Variants in CLIC4 observed in about 807,000 individuals in gnomAD.
CLIC4 encodes the protein chloride intracellular channel protein 4.
Under a neutral mutation model 24.6 loss-of-function variants are expected in CLIC4, and 13 were observed. The ratio of observed to expected loss-of-function variants is 0.53; its 90% confidence interval spans 0.34 to 0.84. The LOEUF is 0.84. Among genes scored for constraint, CLIC4 ranks in the 40% least tolerant of loss-of-function variants. The pLI is 0.01. For missense variants in CLIC4, 227 were observed against 301.7 expected, an observed-to-expected ratio of 0.75 and a Z score of 1.83; for synonymous variants, 104 against 111.3, an observed-to-expected ratio of 0.93 and a Z score of 0.41.
At chr1:24,802,843 C>G (rs1639506106) in intron 2 of CLIC4, among the ~76,000 whole-genome samples, 1 of 151,890 alleles carries the variant, frequency 6.6e-6, no homozygotes. Flanking sequence ...TCCCAAGTAG[C>G]TAGGACTACA....
intron 1 of CLIC4, among the ~76,000 whole-genome samples, chr1:24,795,363 CA>C (rs1639385774): frequency 6.6e-6 from 1 of 151,898 alleles, no homozygotes; most frequent in Non-Finnish European, 1.5e-5. Context: ...GGAATGTGTA[CA>C]ACAGGATATG....
intron 1 of CLIC4, among the ~76,000 whole-genome samples, chr1:24,787,457 G>A (rs900280844): frequency 3.3e-5 from 5 of 152,032 alleles, no homozygotes; most frequent in Non-Finnish European, 5.9e-5. Context: ...TTCATATACA[G>A]TATAATTCAC....
intron 3 of CLIC4, among the ~76,000 whole-genome samples, chr1:24,824,086 T>C (rs1639763296): frequency 6.6e-6 from 1 of 152,248 alleles, no homozygotes; most frequent in Non-Finnish European, 1.5e-5. Flanking sequence ...TCAAGCTATT[T>C]GCTAAAGCCA....
intron 4 of CLIC4, among the ~76,000 whole-genome samples, chr1:24,827,932 T>C (rs994854488): frequency 2.0e-4 from 31 of 152,182 alleles, no homozygotes; most frequent in African/African-American, 7.0e-4. Flanking sequence ...CACACATTAG[T>C]GTTTATTTGA....
intron 1 of CLIC4, among the ~76,000 whole-genome samples, chr1:24,763,276 A>T (rs1227295816): frequency 6.6e-6 from 1 of 151,942 alleles, no homozygotes; most frequent in Non-Finnish European, 1.5e-5. Context: ...ATGCTGGCTC[A>T]CTCCTGTAAT....
chr1:24,826,179 AAGT>A (rs1339209972), intron 3 of CLIC4, among the ~76,000 whole-genome samples: 3 of 152,228 alleles, frequency 2.0e-5, no homozygotes, highest in African/African-American at 7.2e-5. Flanking sequence ...TCTGTTCTAA[AAGT>A]AGAAAAATTT....
intron 4 of CLIC4, 103 bp from the exon 5 acceptor site, chr1:24,839,757 A>G (rs1052317628): frequency 1.8e-5 from 18 of 1,005,928 alleles, no homozygotes; most frequent in Non-Finnish European, 2.6e-5. Flanking sequence ...GTTTCAGAGT[A>G]AACATTTTTA....
At chr1:24,838,902 C>T (rs1639911924) in intron 4 of CLIC4, among the ~76,000 whole-genome samples, 1 of 152,032 alleles carries the variant, frequency 6.6e-6, no homozygotes, top group African/African-American at 2.4e-5. Flanking sequence ...TCATGACAAT[C>T]AGAATCATGA....
Position 24,755,551 on chromosome 1 carries a change from A to G in CLIC4, c.72+9926A>G, listed in dbSNP as rs546657848. 2.1e-3 allele frequency among the ~76,000 whole-genome samples: 313 copies of G among 151,934 alleles called. 3 individuals carry two copies. The highest frequency in any genetic ancestry group is 3.8e-3 in the Non-Finnish European group (255 of 67,962). ...TTGAGCCTAGAAGTTCAAGGCTGCA[A>G]TGAGCTATGATTGTGCCACTGCACT... On this transcript the variant is annotated intron_variant, in intron 1 of 5. Transcript: ENST00000374379.
intron 1 of CLIC4, among the ~76,000 whole-genome samples, chr1:24,746,668 T>C (rs1044103993): frequency 2.6e-5 from 4 of 152,140 alleles, no homozygotes; most frequent in South Asian, 2.1e-4. Context: ...TTCTTTTTTT[T>C]CCCCGAGTTT....
chr1:24,840,121 A>T, intron 5 of CLIC4, 80 bp downstream of exon 5: 1 of 1,349,396 alleles, frequency 7.4e-7, no homozygotes, highest in East Asian at 2.3e-5. Flanking sequence ...TGTGCTCAAA[A>T]CATTTCTGAT....
intron 3 of CLIC4, among the ~76,000 whole-genome samples, chr1:24,819,095 G>T (rs1176080510): frequency 6.6e-6 from 1 of 152,050 alleles, no homozygotes; most frequent in Admixed American, 6.6e-5. Flanking sequence ...GAGCAGAATT[G>T]CCCTCTGGTT....
chr1:24,823,332 C>T (rs1277999739), intron 3 of CLIC4, among the ~76,000 whole-genome samples: 1 of 152,078 alleles, frequency 6.6e-6, no homozygotes, highest in Non-Finnish European at 1.5e-5. Context: ...AATGAAGAAA[C>T]CACTTTGCTA....
intron 1 of CLIC4, among the ~76,000 whole-genome samples, chr1:24,781,513 A>T (rs1639205376): frequency 6.6e-6 from 1 of 151,694 alleles, no homozygotes; most frequent in Admixed American, 6.6e-5. Context: ...CATTTCAGGG[A>T]GGTTAATGTG....
intron 3 of CLIC4, among the ~76,000 whole-genome samples, chr1:24,817,403 C>G (rs1639682753): frequency 6.6e-6 from 1 of 152,190 alleles, no homozygotes; most frequent in Non-Finnish European, 1.5e-5. Flanking sequence ...GGCCTCTTTC[C>G]TTAAACCTCA....
At chr1:24,829,124 A>G (rs924673797) in intron 4 of CLIC4, among the ~76,000 whole-genome samples, 8 of 152,198 alleles carry the variant, frequency 5.3e-5, no homozygotes, top group East Asian at 1.9e-4. Flanking sequence ...GATGCTGACA[A>G]TTTACACAGA....
intron 1 of CLIC4, among the ~76,000 whole-genome samples, chr1:24,794,983 C>T (rs763649060): frequency 3.3e-5 from 5 of 151,974 alleles, no homozygotes; most frequent in Non-Finnish European, 7.4e-5. Flanking sequence ...TCAGCTTTGT[C>T]GAAAATCAGA....
chr1:24,780,789 A>G (rs528633772), intron 1 of CLIC4, among the ~76,000 whole-genome samples: 34 of 152,286 alleles, frequency 2.2e-4, no homozygotes, highest in African/African-American at 7.0e-4. Context: ...AGAAGCTGGG[A>G]TAGAAACTGA....
chr1:24,813,694 C>T (rs1337911717), intron 2 of CLIC4, among the ~76,000 whole-genome samples: 1 of 151,914 alleles, frequency 6.6e-6, no homozygotes, highest in African/African-American at 2.4e-5. Flanking sequence ...GCTGGGATTA[C>T]AGACATGAGC....
Sources: gnomAD v4.1 joint callset for allele counts (sites outside exome capture counted in the v4.1 genomes callset) on GRCh38, gnomAD v4.1.1 for gene constraint, MANE v1.5 for transcripts, NCBI Gene and HGNC (gene_info 2026-07-23, HGNC 2026-07-21) for gene names.